PCDH9: variants seen among roughly 807,000 people sequenced by gnomAD.
PCDH9 encodes the protein protocadherin 9.
A neutral mutation model predicts 70.6 loss-of-function variants in PCDH9; 24 were observed. The ratio of observed to expected loss-of-function variants is 0.34; its 90% CI spans 0.25 to 0.48. The LOEUF is 0.48. PCDH9 is among the 20% of genes least tolerant of loss of function. The probability of loss-of-function intolerance (pLI) is 0.99; values close to 1 mark genes in which losing one functional copy is unlikely to be tolerated. For missense variants in PCDH9, 1,281 were observed against 1,503.6 expected (o/e 0.85, Z 2.45); for synonymous variants, 562 against 558.5 (o/e 1.01, Z -0.09).
chr13:66,681,956 T>TATATATAG (rs1313827827), intron 3 of PCDH9, among the ~76,000 whole-genome samples: 5 of 148,480 alleles, frequency 3.4e-5, no homozygotes, highest in Non-Finnish European at 5.9e-5. Context: ...CAAACATATA[T>TATATATAG]ATATATATAT....
intron 4 of PCDH9, among the ~76,000 whole-genome samples, chr13:66,403,435 T>C (rs372655511): frequency 1.2e-4 from 18 of 152,062 alleles, no homozygotes; most frequent in African/African-American, 3.9e-4. Flanking sequence ...TTAAATTTCA[T>C]TGAGTATGAG....
chr13:66,834,942 A>C (rs2080991140), intron 3 of PCDH9, among the ~76,000 whole-genome samples: 1 of 152,238 alleles, frequency 6.6e-6, no homozygotes, highest in South Asian at 2.1e-4. Context: ...TGAGGTCAGA[A>C]AATATCTATC....
At chr13:67,084,108 A>G (rs1324061580) in intron 2 of PCDH9, among the ~76,000 whole-genome samples, 1 of 152,182 alleles carries the variant, frequency 6.6e-6, no homozygotes, top group Non-Finnish European at 1.5e-5. Flanking sequence ...ATAAGAAGCA[A>G]GAAGGTAATA....
At chr13:66,863,707 G>C (rs142740891) in intron 3 of PCDH9, among the ~76,000 whole-genome samples, 1,589 of 152,142 alleles carry the variant, frequency 0.01, 25 homozygotes, top group African/African-American at 0.035. Context: ...AGATGGTCTT[G>C]ATCTCCCGAC....
At chr13:66,675,791 CA>C (rs1336909829) in intron 3 of PCDH9, among the ~76,000 whole-genome samples, 1 of 152,108 alleles carries the variant, frequency 6.6e-6, no homozygotes, top group Non-Finnish European at 1.5e-5. Flanking sequence ...GAATTGGTGC[CA>C]GAATCCTTGG....
intron 4 of PCDH9, among the ~76,000 whole-genome samples, chr13:66,427,629 G>T (rs1957694160): frequency 1.3e-5 from 2 of 151,848 alleles, no homozygotes; most frequent in South Asian, 2.1e-4. Flanking sequence ...CTTCAGTACA[G>T]ATTTTCAGAA....
chr13:66,552,416 C>T (rs556691985), intron 4 of PCDH9, among the ~76,000 whole-genome samples: 3 of 152,198 alleles, frequency 2.0e-5, no homozygotes, highest in East Asian at 3.9e-4. Context: ...GCCTTAGACT[C>T]TCAGTACTGA....
At chr13:67,019,147 G>T (rs2084622778) in intron 2 of PCDH9, among the ~76,000 whole-genome samples, 2 of 147,042 alleles carry the variant, frequency 1.4e-5, no homozygotes, top group African/African-American at 2.5e-5. Context: ...AGTTTAAATA[G>T]TTGCCCAGGA....
At chr13:66,598,750 T>C (rs1300470656) in intron 4 of PCDH9, among the ~76,000 whole-genome samples, 1 of 151,902 alleles carries the variant, frequency 6.6e-6, no homozygotes, top group East Asian at 1.9e-4. Context: ...AAATTTAATA[T>C]GTGTTTTAAG....
At chr13:67,043,300 TC>T (rs1370122071) in intron 2 of PCDH9, among the ~76,000 whole-genome samples, 9 of 152,104 alleles carry the variant, frequency 5.9e-5, no homozygotes, top group African/African-American at 2.2e-4. Flanking sequence ...ATTGTAACAA[TC>T]CATGTAAAGA....
chr13:67,051,382 A>ATTTTTTTTTTTTTTTTT lies in PCDH9; in HGVS notation c.3037-147794_3037-147778dup, dbSNP rs567408801. The stretch of plus-strand genomic sequence containing the variant: ...CGAAATACCAGGAAAACAATACAAG[A>ATTTTTTTTTTTTTTTTT]TTTTTTTTTTTTTTTTTTTTTTTTT... On this transcript the variant is annotated intron_variant, in intron 2 of 4. Coordinates refer to ENST00000377865, the MANE Select transcript of PCDH9 (RefSeq NM_203487.3). Among the ~76,000 whole-genome samples the ATTTTTTTTTTTTTTTTT allele has an allele frequency of 1.5e-4, 11 of 71,008 alleles. 1 individual carries two copies. The highest frequency in any genetic ancestry group is 5.9e-4 in the South Asian group (1 of 1,692). 46.6% of individuals were successfully genotyped at this position (71,008 alleles called of 152,430 possible).
At chr13:66,914,378 G>C (rs1371263019) in intron 2 of PCDH9, 6 of 151,746 alleles carry the variant, frequency 4.0e-5, no homozygotes, top group African/African-American at 1.2e-4. Flanking sequence ...CTACTTTACT[G>C]TTTATCTTTT....
At chr13:66,580,640 T>C (rs567870503) in intron 4 of PCDH9, among the ~76,000 whole-genome samples, 4 of 151,854 alleles carry the variant, frequency 2.6e-5, no homozygotes, top group African/African-American at 9.6e-5. Flanking sequence ...TCCTTACCAT[T>C]GACAAATACT....
At chr13:66,610,228 CA>C (rs1437332660) in intron 4 of PCDH9, among the ~76,000 whole-genome samples, 9 of 151,358 alleles carry the variant, frequency 5.9e-5, no homozygotes, top group African/African-American at 1.9e-4. Flanking sequence ...AGAGAGAGAA[CA>C]GGGGTAAGGG....
At chr13:66,380,649 T>TAG (rs1956831579) in intron 4 of PCDH9, among the ~76,000 whole-genome samples, 1 of 148,782 alleles carries the variant, frequency 6.7e-6, no homozygotes, top group African/African-American at 2.5e-5. Context: ...GTTCACGCCA[T>TAG]TCTCCTGCCT....
chr13:67,190,465 T>C (rs887321089), intron 2 of PCDH9, among the ~76,000 whole-genome samples: 6 of 152,164 alleles, frequency 3.9e-5, no homozygotes, highest in Admixed American at 2.0e-4. Context: ...AAATATTTTG[T>C]TTTGTTTATA....
intron 3 of PCDH9, among the ~76,000 whole-genome samples, chr13:66,786,420 A>T (rs2080080994): frequency 6.6e-6 from 1 of 152,186 alleles, no homozygotes; most frequent in Admixed American, 6.6e-5. Flanking sequence ...ATGGACTCCT[A>T]TGCATCAAGA....
At chr13:66,999,147 G>GT (rs2084185372) in intron 2 of PCDH9, among the ~76,000 whole-genome samples, 1 of 152,140 alleles carries the variant, frequency 6.6e-6, no homozygotes, top group Non-Finnish European at 1.5e-5. Flanking sequence ...GATTGTGCAT[G>GT]TTATTCATTT....
intron 4 of PCDH9, among the ~76,000 whole-genome samples, chr13:66,550,200 T>C (rs1415144102): frequency 6.6e-6 from 1 of 152,120 alleles, no homozygotes; most frequent in Non-Finnish European, 1.5e-5. Context: ...CGTTTTATAA[T>C]AATTGTTTAA....
Sources: allele counts gnomAD v4.1 joint callset (sites outside exome capture counted in the v4.1 genomes callset), GRCh38; gene constraint gnomAD v4.1.1; transcripts MANE v1.5; gene names NCBI Gene and HGNC (gene_info 2026-07-23, HGNC 2026-07-21).